The following SNTG1 variants were observed in gnomAD, a reference collection of about 807,000 sequenced individuals.
SNTG1 encodes the protein syntrophin gamma 1.
SNTG1 carries 39 observed loss-of-function variants against 74.7 expected under a neutral mutation model. That is an observed-to-expected ratio of 0.52 (90% CI 0.40 to 0.68). The LOEUF (loss-of-function observed/expected upper bound fraction) is 0.68, where lower values mean the gene tolerates loss of function less well. Among genes scored for constraint, SNTG1 ranks in the 30% least tolerant of loss-of-function variants. The pLI is 0.00. For synonymous variants in SNTG1, 254 were observed against 217.1 expected, an observed-to-expected ratio of 1.17 and a Z score of -1.49; for missense variants, 685 against 609.5, an observed-to-expected ratio of 1.12 and a Z score of -1.30.
At chr8:50,651,388 G>T (rs1408936959) in intron 13 of SNTG1, among the ~76,000 whole-genome samples, 3 of 151,994 alleles carry the variant, frequency 2.0e-5, no homozygotes, top group African/African-American at 7.2e-5. Context: ...GTTAGCCTTT[G>T]TTGAATCCCT....
At chr8:49,944,822 C>T (rs1230923883) in intron 1 of SNTG1, among the ~76,000 whole-genome samples, 1 of 151,318 alleles carries the variant, frequency 6.6e-6, no homozygotes, top group Non-Finnish European at 1.5e-5. Context: ...GAGTTTCCCT[C>T]TGTTGCCCAG....
chr8:49,923,306 T>C (rs1256363477), intron 1 of SNTG1, among the ~76,000 whole-genome samples: 1 of 152,166 alleles, frequency 6.6e-6, no homozygotes, highest in African/African-American at 2.4e-5. Flanking sequence ...CAATCTTTAT[T>C]TCTGTGAAAC....
At chr8:50,220,513 A>G (rs1014832922) in intron 2 of SNTG1, among the ~76,000 whole-genome samples, 11 of 152,212 alleles carry the variant, frequency 7.2e-5, no homozygotes. Context: ...AGATATATTC[A>G]TGTGAGCACA....
chr8:50,422,145 A>G (rs902118275), intron 4 of SNTG1, among the ~76,000 whole-genome samples: 1 of 152,200 alleles, frequency 6.6e-6, no homozygotes, highest in African/African-American at 2.4e-5. Context: ...AAGACAGGCT[A>G]ATAAGACCAC....
chr8:50,145,377 C>G (rs912062982), intron 1 of SNTG1, among the ~76,000 whole-genome samples: 7 of 152,106 alleles, frequency 4.6e-5, no homozygotes, highest in African/African-American at 1.7e-4. Flanking sequence ...GGAAATAGCT[C>G]TGTATTTTTG....
chr8:50,385,834 A>G (rs372649960), intron 2 of SNTG1, among the ~76,000 whole-genome samples: 21 of 152,324 alleles, frequency 1.4e-4, no homozygotes, highest in South Asian at 6.2e-4. Flanking sequence ...CAGAGCTTCA[A>G]TTAGAGTCAC....
chr8:49,998,491 C>A (rs1814443731), intron 1 of SNTG1, among the ~76,000 whole-genome samples: 1 of 152,046 alleles, frequency 6.6e-6, no homozygotes, highest in Non-Finnish European at 1.5e-5. Flanking sequence ...CATTATAAAA[C>A]TGTACAAAAT....
intron 9 of SNTG1, among the ~76,000 whole-genome samples, chr8:50,524,324 C>T (rs2130215851): frequency 1.3e-5 from 2 of 152,156 alleles, no homozygotes; most frequent in South Asian, 4.2e-4. Context: ...TTCTATCCCA[C>T]AATCTTGCTG....
intron 2 of SNTG1, among the ~76,000 whole-genome samples, chr8:50,217,767 T>C (rs1244519398): frequency 6.6e-6 from 1 of 152,122 alleles, no homozygotes; most frequent in African/African-American, 2.4e-5. Context: ...GGCCAGAGAG[T>C]GATGGAGAAG....
chr8:49,958,667 C>T (rs1249832583), intron 1 of SNTG1, among the ~76,000 whole-genome samples: 10 of 152,202 alleles, frequency 6.6e-5, no homozygotes, highest in Non-Finnish European at 1.3e-4. Context: ...GATCCACCCG[C>T]CTTGGCCTCC....
chr8:50,601,316 T>C (rs2094773621), intron 13 of SNTG1, among the ~76,000 whole-genome samples: 1 of 152,026 alleles, frequency 6.6e-6, no homozygotes, highest in African/African-American at 2.4e-5. Context: ...TTTTATTATG[T>C]TGTGTTTCCA....
At chr8:49,934,110 A>G (rs1028404081) in intron 1 of SNTG1, among the ~76,000 whole-genome samples, 4 of 152,072 alleles carry the variant, frequency 2.6e-5, no homozygotes, top group Non-Finnish European at 5.9e-5. Flanking sequence ...TCTAGTTAGG[A>G]TGTCTGGGCT....
At chr8:50,449,005 G>A (rs2093431206) in intron 5 of SNTG1, among the ~76,000 whole-genome samples, 1 of 152,022 alleles carries the variant, frequency 6.6e-6, no homozygotes, top group South Asian at 2.1e-4. Context: ...TCCAGCCTGG[G>A]CAACAGAGCG....
chr8:50,276,587 A>C (rs2130365819), intron 2 of SNTG1, among the ~76,000 whole-genome samples: 1 of 152,132 alleles, frequency 6.6e-6, no homozygotes, highest in Non-Finnish European at 1.5e-5. Flanking sequence ...GACACTGATT[A>C]AACCCTAAGC....
chr8:50,581,289 G>A (rs2094608221), intron 12 of SNTG1, among the ~76,000 whole-genome samples: 1 of 150,894 alleles, frequency 6.6e-6, no homozygotes, highest in African/African-American at 2.5e-5. Context: ...CAGTGATAAG[G>A]AGTGACAAGA....
intron 2 of SNTG1, among the ~76,000 whole-genome samples, chr8:50,296,325 G>T (rs933388870): frequency 6.6e-6 from 1 of 152,086 alleles, no homozygotes; most frequent in African/African-American, 2.4e-5. Context: ...TACTTTTATT[G>T]CAGCACAATT....
intron 1 of SNTG1, among the ~76,000 whole-genome samples, chr8:50,167,725 A>C (rs1380569281): frequency 6.6e-6 from 1 of 151,104 alleles, no homozygotes; most frequent in Non-Finnish European, 1.5e-5. Flanking sequence ...AGATGGGAGG[A>C]TCCTGTCAGC....
At position 50,752,126 on chromosome 8, in the gene SNTG1, T is replaced by TAGTTCTTTTTTAAATGG; in HGVS notation, c.1395+15_1395+16insAGTTCTTTTTTAAATGG. The TAGTTCTTTTTTAAATGG allele has an allele frequency of 7.0e-7, 1 of 1,432,956 alleles. No homozygotes were observed. The highest frequency in any genetic ancestry group is 9.4e-7 in the Non-Finnish European group (1 of 1,064,302). 88.8% of individuals were successfully genotyped at this position (1,432,956 alleles called of 1,614,324 possible). On this transcript the variant is annotated intron_variant, in intron 18 of 18. Transcript: ENST00000642720. ...TTGAAGCAAAGGTAAACCCAAGAAA[T>TAGTTCTTTTTTAAATGG]TCATCACATAACACCTCTAACTACA...
intron 15 of SNTG1, among the ~76,000 whole-genome samples, chr8:50,704,023 A>G (rs2095435119): frequency 6.6e-6 from 1 of 152,204 alleles, no homozygotes; most frequent in Non-Finnish European, 1.5e-5. Context: ...ACTTCAGTTG[A>G]AAACTTCTGG....
Sources: allele counts gnomAD v4.1 joint callset (sites outside exome capture counted in the v4.1 genomes callset), GRCh38; gene constraint gnomAD v4.1.1; transcripts MANE v1.5; gene names NCBI Gene and HGNC (gene_info 2026-07-23, HGNC 2026-07-21).